Variants in SOCS6 observed in about 807,000 individuals in gnomAD.
SOCS6 encodes suppressor of cytokine signaling 6, also known as STAT induced STAT inhibitor-4.
SOCS6 carries 5 observed loss-of-function variants against 27.7 expected under a neutral mutation model. The ratio of observed to expected loss-of-function variants is 0.18; its 90% confidence interval spans 0.09 to 0.38. The LOEUF (loss-of-function observed/expected upper bound fraction) is 0.38. SOCS6 is among the 10% of genes least tolerant of loss of function. The probability of loss-of-function intolerance (pLI) is 1.00; values close to 1 mark genes in which losing one functional copy is unlikely to be tolerated. For missense variants in SOCS6, 595 were observed against 688.1 expected (o/e 0.86, Z 1.51); for synonymous variants, 271 against 260.0 (o/e 1.04, Z -0.41).
chr18:70,324,948 C>G lies in SOCS6; in HGVS notation c.280C>G (p.Pro94Ala). The G allele has an allele frequency of 6.2e-7, 1 of 1,614,192 alleles. No homozygotes were observed. Among genetic ancestry groups the G allele is most frequent in the Non-Finnish European group, 8.5e-7 (1 of 1,180,040 alleles). ...KQKSKGKAGT[P>A]SGSSADEDTF... is the part of the protein sequence containing the mutation. ...GAAGTCAAAAGGCAAGGCGGGCACA[C>G]CCTCTGGGAGCTCTGCCGACGAGGA... The change falls in exon 2 of 2, where the codon CCC becomes GCC. Residue 94 changes from proline to alanine, a missense_variant. Physicochemically the swap from Pro to Ala is conservative, Grantham distance 27. Coordinates refer to ENST00000397942, the MANE Select transcript of SOCS6 (RefSeq NM_004232.4).
At chr18:70,297,036 G>T (rs933451827) in intron 1 of SOCS6, among the ~76,000 whole-genome samples, 1 of 150,748 alleles carries the variant, frequency 6.6e-6, no homozygotes, top group South Asian at 2.1e-4. Context: ...GTTCTTTGGA[G>T]GGGAGTTCCC....
chr18:70,313,763 T>C (rs2062399836), intron 1 of SOCS6, among the ~76,000 whole-genome samples: 2 of 152,364 alleles, frequency 1.3e-5, no homozygotes, highest in South Asian at 4.1e-4. Flanking sequence ...CATGTTTTAA[T>C]ATGTCATGTA....
chr18:70,289,436 C>T (rs1010191259), intron 1 of SOCS6, among the ~76,000 whole-genome samples: 1 of 147,406 alleles, frequency 6.8e-6, no homozygotes, highest in East Asian at 2.0e-4. Context: ...TCTTCTCGAC[C>T]CCTCGGCCTC....
At chr18:70,296,655 G>C (rs1000648502) in intron 1 of SOCS6, 4 of 152,200 alleles carry the variant, frequency 2.6e-5, no homozygotes, top group Non-Finnish European at 4.4e-5. Flanking sequence ...TTACTGTTAA[G>C]TCACATGCCG....
Position 70,325,033 on chromosome 18 carries a change from T to G in SOCS6, c.365T>G (p.Ile122Arg), listed in dbSNP as rs1365297169. The change falls in exon 2 of 2, where the codon ATA (isoleucine) becomes AGA (arginine). Residue 122 changes from isoleucine (I) to arginine (R), a missense_variant. By Grantham distance (97) the Ile-to-Arg change is moderately conservative (BLOSUM62 -3). Coordinates refer to ENST00000397942, the MANE Select transcript of SOCS6 (RefSeq NM_004232.4). The surrounding 1 kb of genome is among the most constrained non-coding windows in gnomAD (Gnocchi z 6.3). ...AAAGACGTGAGAGCTCAGAGGCCGA[T>G]AAGGTCCACGTCGCTCCGCAGCCAT... The part of the protein sequence containing the change: ...VFKDVRAQRP[I>R]RSTSLRSHHY... The G allele has an allele frequency of 3.7e-6, 6 of 1,614,130 alleles. No homozygotes were observed. The highest frequency in any genetic ancestry group is 5.1e-6 in the Non-Finnish European group (6 of 1,180,020).
At chr18:70,322,987 G>T (rs1011483315) in intron 1 of SOCS6, among the ~76,000 whole-genome samples, 1 of 152,188 alleles carries the variant, frequency 6.6e-6, no homozygotes, top group African/African-American at 2.4e-5. Flanking sequence ...CTCTCCTACT[G>T]GATTAGGTGA....
chr18:70,323,933 A>G (rs1050162444), intron 1 of SOCS6, among the ~76,000 whole-genome samples: 2 of 152,172 alleles, frequency 1.3e-5, no homozygotes, highest in Admixed American at 1.3e-4. Flanking sequence ...GGATGTGGAC[A>G]CTGGCCCACA....
intron 1 of SOCS6, among the ~76,000 whole-genome samples, chr18:70,311,426 T>C (rs1219804270): frequency 6.6e-6 from 1 of 152,170 alleles, no homozygotes; most frequent in Non-Finnish European, 1.5e-5. Flanking sequence ...CCTGAGAGCA[T>C]CACGGACCTG....
At position 70,325,862 on chromosome 18, in the gene SOCS6, A is replaced by C. The variant is rs761339699; in HGVS notation, c.1194A>C (p.Leu398=). 8.7e-6 allele frequency: 14 copies of C among 1,614,210 alleles called. No homozygotes were observed. In the Admixed American group the frequency reaches 2.3e-4, roughly 27 times the overall value. The change falls in exon 2 of 2, where the codon CTA becomes CTC. Residue 398 remains leucine, a synonymous_variant. Transcript: ENST00000397942. This position sits in a 1 kb window ranked among gnomAD's most constrained non-coding sequence, Gnocchi z 6.3. ...PITRWEAEGK[L]ANVPDGSFLV... ...CACGTTGGGAGGCAGAAGGGAAGCT[A>C]GCAAACGTGCCAGATGGTTCTTTTC...
At chr18:70,317,495 C>T (rs1211935415) in intron 1 of SOCS6, among the ~76,000 whole-genome samples, 4 of 133,950 alleles carry the variant, frequency 3.0e-5, no homozygotes, top group Admixed American at 7.2e-5. Context: ...CATATATACA[C>T]ATATATACAT....
chr18:70,296,320 C>T (rs1197525514), intron 1 of SOCS6, among the ~76,000 whole-genome samples: 1 of 152,170 alleles, frequency 6.6e-6, no homozygotes, highest in Admixed American at 6.6e-5. Flanking sequence ...GACAAATTAA[C>T]TCTGAAATCT....
rs577692035 is a variant in SOCS6 at position 70,327,505 on chromosome 18, G to A, written c.*1229G>A. 6 of 166,488 alleles carry A rather than the reference G, an allele frequency of 3.6e-5. No individual in the cohort carries two copies. Among genetic ancestry groups the A allele is most frequent in the African/African-American group, 1.4e-4 (6 of 41,494 alleles). 10.3% of individuals were successfully genotyped at this position (166,488 alleles called of 1,614,324 possible). On this transcript the variant is annotated 3_prime_UTR_variant, in exon 2 of 2. Transcript: ENST00000397942. ...TATTAGATAATGTGGAAGTCATATT[G>A]TCTATCATATATACTGCCATTTAAA... is the stretch of plus-strand genomic sequence containing the variant.
chr18:70,318,385 C>T (rs1910846283), intron 1 of SOCS6, among the ~76,000 whole-genome samples: 1 of 152,052 alleles, frequency 6.6e-6, no homozygotes, highest in Admixed American at 6.5e-5. Context: ...ATCACCCATG[C>T]CCGGGAGCTG....
In SOCS6 at chr18:70,326,287, A is replaced by G. The variant is rs1482921505; in HGVS notation, c.*11A>G. 6.3e-7 allele frequency: 1 copy of G among 1,592,638 alleles called. No homozygotes were observed. Among genetic ancestry groups the G allele is most frequent in the East Asian group, 2.2e-5 (1 of 44,672 alleles). ...GAGAAGCACTACTGAAAGATTGAGA[A>G]CCCTGCATCTTGCACTTTGGGAATA... On this transcript the variant is annotated 3_prime_UTR_variant, in exon 2 of 2. Coordinates refer to ENST00000397942, the MANE Select transcript of SOCS6 (RefSeq NM_004232.4).
chr18:70,293,166 T>G (rs912540695), intron 1 of SOCS6, among the ~76,000 whole-genome samples: 1 of 151,914 alleles, frequency 6.6e-6, no homozygotes, highest in Non-Finnish European at 1.5e-5. Flanking sequence ...ATACAGAAAG[T>G]AGTTGCGGTT....
chr18:70,293,424 T>TAG (rs1244895651), intron 1 of SOCS6, among the ~76,000 whole-genome samples: 3 of 152,158 alleles, frequency 2.0e-5, no homozygotes. Flanking sequence ...ACTGGCAGTG[T>TAG]AGACGCCCAG....
chr18:70,304,131 T>A (rs566627349), intron 1 of SOCS6, among the ~76,000 whole-genome samples: 1 of 152,244 alleles, frequency 6.6e-6, no homozygotes, highest in East Asian at 1.9e-4. Flanking sequence ...GGGCAGATAG[T>A]AAAGGTAAAC....
At chr18:70,307,291 GT>G (rs1230951880) in intron 1 of SOCS6, among the ~76,000 whole-genome samples, 1 of 152,116 alleles carries the variant, frequency 6.6e-6, no homozygotes, top group East Asian at 1.9e-4. Context: ...TTCTATCAGT[GT>G]TCATGATGGA....
At chr18:70,318,606 A>G (rs1910855705) in intron 1 of SOCS6, among the ~76,000 whole-genome samples, 1 of 151,704 alleles carries the variant, frequency 6.6e-6, no homozygotes, top group Non-Finnish European at 1.5e-5. Flanking sequence ...TATATAACAT[A>G]TTATTGTTGT....
Sources: allele counts gnomAD v4.1 joint callset (sites outside exome capture counted in the v4.1 genomes callset), GRCh38; gene constraint gnomAD v4.1.1; non-coding constraint Gnocchi (gnomAD v3.1); transcripts MANE v1.5; gene names NCBI Gene and HGNC (gene_info 2026-07-23, HGNC 2026-07-21).